Variants in PITPNC1 observed in about 807,000 individuals in gnomAD.
PITPNC1 encodes cytoplasmic phosphatidylinositol transfer protein 1.
Under a neutral mutation model 44.7 loss-of-function variants are expected in PITPNC1, and 18 were observed. The observed-to-expected ratio is 0.40, with a 90% confidence interval of 0.28 to 0.60. The LOEUF is 0.60. Among genes scored for constraint, PITPNC1 ranks in the 20% least tolerant of loss-of-function variants. The pLI is 0.39. For missense variants in PITPNC1, 290 were observed against 418.4 expected, an observed-to-expected ratio of 0.69 and a Z score of 2.68; for synonymous variants, 141 against 149.6, an observed-to-expected ratio of 0.94 and a Z score of 0.42.
At chr17:67,663,554 C>A (rs145997656) in intron 6 of PITPNC1, among the ~76,000 whole-genome samples, 2 of 150,112 alleles carry the variant, frequency 1.3e-5, no homozygotes, top group African/African-American at 4.9e-5. Context: ...GGCAACACAG[C>A]GAGACTCCAT....
At chr17:67,602,510 G>A (rs2041553459) in intron 5 of PITPNC1, among the ~76,000 whole-genome samples, 1 of 152,134 alleles carries the variant, frequency 6.6e-6, no homozygotes, top group Non-Finnish European at 1.5e-5. Flanking sequence ...GTGTTGATGG[G>A]CTGCCCATGT....
intron 1 of PITPNC1, among the ~76,000 whole-genome samples, chr17:67,429,559 G>C (rs1428879810): frequency 2.6e-5 from 4 of 152,130 alleles, no homozygotes; most frequent in African/African-American, 4.8e-5. Context: ...TTAGCTGGGC[G>C]TGGTGGCGAT....
At chr17:67,680,033 C>T (rs1006525560) in intron 8 of PITPNC1, among the ~76,000 whole-genome samples, 1 of 152,118 alleles carries the variant, frequency 6.6e-6, no homozygotes, top group African/African-American at 2.4e-5. Context: ...GACGACACTA[C>T]CTCATGAAAG....
At chr17:67,387,553 C>G (rs2143792386) in intron 1 of PITPNC1, among the ~76,000 whole-genome samples, 1 of 152,260 alleles carries the variant, frequency 6.6e-6, no homozygotes, top group South Asian at 2.1e-4. Context: ...GTAATCCCAG[C>G]TACTCGGGAG....
chr17:67,608,246 AC>A (rs370978848), intron 5 of PITPNC1, among the ~76,000 whole-genome samples: 20 of 140,214 alleles, frequency 1.4e-4, no homozygotes, highest in African/African-American at 2.5e-4. Flanking sequence ...AAAAAAAAAA[AC>A]AAAAAAAAAC....
Position 67,455,507 on chromosome 17 carries a change from G to A in PITPNC1, c.49-77295G>A, listed in dbSNP as rs559355010. 1.5e-4 allele frequency among the ~76,000 whole-genome samples: 23 copies of A among 152,202 alleles called. No homozygotes were observed. The East Asian group carries it at 4.1e-3, about 27-fold the overall frequency. ...GCAATCCCGGCTCACTGCAACTTCC[G>A]ACTCCTGGGTTCAAGCGATTCTCCT... On this transcript the variant is annotated intron_variant, in intron 1 of 8. Transcript: ENST00000581322.
intron 4 of PITPNC1, among the ~76,000 whole-genome samples, chr17:67,557,743 G>A (rs1376714599): frequency 1.3e-5 from 2 of 152,222 alleles, no homozygotes; most frequent in African/African-American, 4.8e-5. Context: ...TGACTACAGA[G>A]TCTGCACCCA....
intron 5 of PITPNC1, among the ~76,000 whole-genome samples, chr17:67,631,050 G>A (rs1034597073): frequency 6.7e-5 from 9 of 134,422 alleles, no homozygotes; most frequent in Middle Eastern, 3.6e-3. Flanking sequence ...TGTTGTTGTT[G>A]TTGTTATTAT....
At chr17:67,490,953 GGTTTT>G (rs1171041848) in intron 1 of PITPNC1, among the ~76,000 whole-genome samples, 1 of 152,206 alleles carries the variant, frequency 6.6e-6, no homozygotes, top group Non-Finnish European at 1.5e-5. Context: ...GAATGGCTGA[GGTTTT>G]GTTTTGTTTT....
intron 5 of PITPNC1, among the ~76,000 whole-genome samples, chr17:67,588,516 T>A (rs1035492848): frequency 3.9e-5 from 6 of 152,064 alleles, no homozygotes; most frequent in African/African-American, 1.4e-4. Flanking sequence ...GCACGAAGCC[T>A]CCCTTTGTCC....
chr17:67,610,916 T>C (rs527946830), intron 5 of PITPNC1, among the ~76,000 whole-genome samples: 8 of 133,422 alleles, frequency 6.0e-5, no homozygotes, highest in African/African-American at 2.3e-4. Flanking sequence ...TGAGACTCTG[T>C]CTCAAAAAAA....
intron 5 of PITPNC1, among the ~76,000 whole-genome samples, chr17:67,620,681 A>T (rs537602979): frequency 2.6e-5 from 4 of 152,284 alleles, no homozygotes; most frequent in African/African-American, 9.6e-5. Context: ...TGTCCACCAG[A>T]AAGGGTTCTC....
chr17:67,391,060 C>CGTGTGTGTGTGTGTGTGT lies in PITPNC1; in HGVS notation c.48+12867_48+12884dup, dbSNP rs80236076. Among the ~76,000 whole-genome samples the CGTGTGTGTGTGTGTGTGT allele has an allele frequency of 5.4e-3, 786 of 146,882 alleles. 12 individuals are homozygous for CGTGTGTGTGTGTGTGTGT. The highest frequency in any genetic ancestry group is 0.017 in the African/African-American group (684 of 39,448). Reference sequence around the variant, plus strand: ...CAGATTGATCTAATGACTTTTTTAGCGTGTGTGTGTGTGTGTGTGTGTGTG... The same window carrying CGTGTGTGTGTGTGTGTGT: ...CAGATTGATCTAATGACTTTTTTAGCGTGTGTGTGTGTGTGTGTGTGTGTGTGTGTGTGTGTGTGTGTG... On this transcript the variant is annotated intron_variant, in intron 1 of 8. Transcript: ENST00000581322.
intron 1 of PITPNC1, among the ~76,000 whole-genome samples, chr17:67,475,807 T>G (rs76604559): frequency 0.015 from 2,242 of 152,162 alleles, 57 homozygotes; most frequent in African/African-American, 0.051. Context: ...GTTGAAACAA[T>G]TTTAGGAGGA....
chr17:67,601,806 G>A (rs1162381927), intron 5 of PITPNC1, among the ~76,000 whole-genome samples: 2 of 151,984 alleles, frequency 1.3e-5, no homozygotes. Context: ...CCCCCGGGAA[G>A]CCAGAAAGTG....
intron 4 of PITPNC1, 43 bp from the exon 5 acceptor site, chr17:67,578,143 A>C (rs779578889): frequency 2.3e-6 from 3 of 1,329,898 alleles, no homozygotes; most frequent in African/African-American, 1.4e-5. Flanking sequence ...ATAGGAAGAG[A>C]GAAAAAATGT....
chr17:67,668,013 G>GT (rs1351326035), intron 6 of PITPNC1, among the ~76,000 whole-genome samples: 1 of 152,032 alleles, frequency 6.6e-6, no homozygotes, highest in Non-Finnish European at 1.5e-5. Context: ...CCTTTTACCT[G>GT]TTTTTTTCAT....
chr17:67,594,656 C>T (rs182811964), intron 5 of PITPNC1, among the ~76,000 whole-genome samples: 4 of 152,228 alleles, frequency 2.6e-5, no homozygotes, highest in Admixed American at 2.0e-4. Context: ...CAGCTCTGTT[C>T]CAAGAGGTGA....
At chr17:67,600,035 T>TAA (rs2041520123) in intron 5 of PITPNC1, among the ~76,000 whole-genome samples, 1 of 152,112 alleles carries the variant, frequency 6.6e-6, no homozygotes, top group East Asian at 1.9e-4. Flanking sequence ...CTAAAAGTAC[T>TAA]CAATGCAAGC....
Sources: allele counts gnomAD v4.1 joint callset (sites outside exome capture counted in the v4.1 genomes callset), GRCh38; gene constraint gnomAD v4.1.1; transcripts MANE v1.5; gene names NCBI Gene and HGNC (gene_info 2026-07-23, HGNC 2026-07-21).